Variants in JPH3 observed in about 807,000 individuals in gnomAD.
The protein encoded by JPH3 is junctophilin 3, also known as junctophilin-3.
In JPH3, 11 loss-of-function variants were observed where a neutral mutation model predicts 59.6. That is an observed-to-expected ratio of 0.18 (90% CI 0.12 to 0.31). JPH3 has a LOEUF of 0.31. Ranked by LOEUF, JPH3 falls within the 10% of genes least tolerant of loss-of-function variation. JPH3 has a pLI of 1.00. For synonymous variants in JPH3, 673 were observed against 483.6 expected, an observed-to-expected ratio of 1.39 and a Z score of -5.14; for missense variants, 1,202 against 1,105.7, an observed-to-expected ratio of 1.09 and a Z score of -1.24.
At chr16:87,685,809 A>G (rs1333818957) in intron 3 of JPH3, among the ~76,000 whole-genome samples, 1 of 152,190 alleles carries the variant, frequency 6.6e-6, no homozygotes, top group Non-Finnish European at 1.5e-5. Context: ...CCATGTGTGA[A>G]AGGAAGGGGA....
intron 1 of JPH3, among the ~76,000 whole-genome samples, chr16:87,624,497 G>C (rs764054004): frequency 2.0e-5 from 3 of 152,226 alleles, no homozygotes; most frequent in African/African-American, 7.2e-5. Flanking sequence ...CCACTTCTTC[G>C]TATCGCTGAG....
intron 2 of JPH3, among the ~76,000 whole-genome samples, chr16:87,666,390 A>AT (rs538663195): frequency 0.36 from 51,482 of 141,290 alleles, 9,629 homozygotes; most frequent in East Asian, 0.63. Context: ...CGCCTGGCCT[A>AT]TTTTTTTTTT....
intron 1 of JPH3, among the ~76,000 whole-genome samples, chr16:87,634,134 C>G (rs138787740): frequency 6.6e-6 from 1 of 152,264 alleles, no homozygotes; most frequent in African/African-American, 2.4e-5. Context: ...GGGGGCCACC[C>G]GTGGAGAAAG....
In JPH3 at chr16:87,688,792, G is replaced by C. The variant is rs181106196; in HGVS notation, c.1286-854G>C. 2.0e-5 allele frequency among the ~76,000 whole-genome samples: 3 copies of C among 152,312 alleles called. No homozygotes were observed. In the East Asian group the frequency reaches 5.8e-4, roughly 29 times the overall value. On this transcript the variant is annotated intron_variant, in intron 3 of 4. Transcript: ENST00000284262. ...AACTGTTCCCCGGAGGGTAAGAAGCGCCGCGTTCTTGGGTTTCTCCTAATG... is the reference window on the plus strand; with the variant it reads ...AACTGTTCCCCGGAGGGTAAGAAGCCCCGCGTTCTTGGGTTTCTCCTAATG...
At chr16:87,612,278 C>T (rs1000047395) in intron 1 of JPH3, among the ~76,000 whole-genome samples, 13 of 152,164 alleles carry the variant, frequency 8.5e-5, no homozygotes, top group Non-Finnish European at 1.5e-4. Flanking sequence ...CATGCACCCC[C>T]ATGCCCAGCT....
chr16:87,620,917 T>A (rs971267195), intron 1 of JPH3, among the ~76,000 whole-genome samples: 1 of 152,120 alleles, frequency 6.6e-6, no homozygotes, highest in Non-Finnish European at 1.5e-5. Flanking sequence ...TCCCAGCACT[T>A]TGGGAGGCTG....
At chr16:87,664,841 G>A (rs2032812626) in intron 2 of JPH3, among the ~76,000 whole-genome samples, 1 of 152,134 alleles carries the variant, frequency 6.6e-6, no homozygotes. Flanking sequence ...GCTAGCAGGT[G>A]GCAGAGCAAG....
At position 87,636,036 on chromosome 16, in the gene JPH3, G is replaced by A. The variant is rs911483690; in HGVS notation, c.383-8222G>A. Among the ~76,000 whole-genome samples the A allele has an allele frequency of 1.1e-4, 16 of 152,240 alleles. No individual in the cohort carries two copies. In the East Asian group the frequency reaches 2.3e-3, roughly 22 times the overall value. On this transcript the variant is annotated intron_variant, in intron 1 of 4. Transcript: ENST00000284262. ...GCCGTGCTGACCGAGCCAGACCCTCGCGGCGGCCCACAGAGATGGGCAGCT... is the reference window on the plus strand; with the variant it reads ...GCCGTGCTGACCGAGCCAGACCCTCACGGCGGCCCACAGAGATGGGCAGCT...
At chr16:87,613,156 G>A (rs2030798097) in intron 1 of JPH3, among the ~76,000 whole-genome samples, 1 of 145,754 alleles carries the variant, frequency 6.9e-6, no homozygotes, top group Admixed American at 6.8e-5. Context: ...GAGTGCAGTG[G>A]CGCGATCTCG....
At chr16:87,637,422 T>TTGTGTGTGTGTGTG (rs35239550) in intron 1 of JPH3, among the ~76,000 whole-genome samples, 4 of 147,502 alleles carry the variant, frequency 2.7e-5, no homozygotes, top group African/African-American at 1.0e-4. Context: ...GTGTGTGTGT[T>TTGTGTGTGTGTGTG]TGTGTGTGTG....
chr16:87,677,903 C>G (rs2033191938), intron 2 of JPH3, among the ~76,000 whole-genome samples: 1 of 152,196 alleles, frequency 6.6e-6, no homozygotes, highest in African/African-American at 2.4e-5. Context: ...GACTGTCTTA[C>G]CAAGGAGTGA....
intron 2 of JPH3, among the ~76,000 whole-genome samples, chr16:87,664,820 C>T (rs1029933740): frequency 6.6e-6 from 1 of 152,012 alleles, no homozygotes; most frequent in South Asian, 2.1e-4. Context: ...TGTGACTTGC[C>T]CAGGGTCCCA....
intron 2 of JPH3, among the ~76,000 whole-genome samples, chr16:87,665,969 C>T (rs1295476921): frequency 6.6e-6 from 1 of 152,246 alleles, no homozygotes; most frequent in African/African-American, 2.4e-5. Flanking sequence ...GGCACCTCCT[C>T]ACCAGGTACT....
intron 1 of JPH3, among the ~76,000 whole-genome samples, chr16:87,607,651 G>A (rs190448605): frequency 6.6e-6 from 1 of 152,350 alleles, no homozygotes; most frequent in East Asian, 1.9e-4. Flanking sequence ...TATGCTGTTA[G>A]TGCCCTTTTA....
At chr16:87,645,556 G>A (rs954039052) in intron 2 of JPH3, among the ~76,000 whole-genome samples, 4 of 152,186 alleles carry the variant, frequency 2.6e-5, no homozygotes, top group African/African-American at 9.7e-5. Context: ...CCTGGCAAGG[G>A]GCTCATGCAG....
intron 1 of JPH3, among the ~76,000 whole-genome samples, chr16:87,605,961 A>T (rs2030503184): frequency 6.6e-6 from 1 of 152,198 alleles, no homozygotes; most frequent in South Asian, 2.1e-4. Context: ...GCATGACAGG[A>T]AATAGAATTG....
intron 2 of JPH3, among the ~76,000 whole-genome samples, chr16:87,662,200 C>T (rs140559745): frequency 2.6e-4 from 39 of 152,296 alleles, no homozygotes; most frequent in African/African-American, 7.9e-4. Context: ...GGCTCTGCTG[C>T]TGTTTCTCTG....
chr16:87,692,777 T>A (rs1307925766), intron 4 of JPH3, among the ~76,000 whole-genome samples: 1 of 152,194 alleles, frequency 6.6e-6, no homozygotes, highest in African/African-American at 2.4e-5. Flanking sequence ...GGTCCAGGGT[T>A]GGAGGATGGC....
Position 87,690,493 on chromosome 16 carries a change from CGAG to C in JPH3, c.2137_2139del (p.Glu713del). The C allele has an allele frequency of 6.7e-7, 1 of 1,485,926 alleles. No individual in the cohort carries two copies. The highest frequency in any genetic ancestry group is 8.9e-7 in the Non-Finnish European group (1 of 1,119,298). The allele number at this position is 1,485,926 out of a possible 1,614,324, so 92.0% of individuals were successfully genotyped here. On this transcript the variant is annotated inframe_deletion, in exon 4 of 5. Transcript: ENST00000284262. ...CCTTGCCTGTCGCTCTAGAGTCCGA[CGAG>C]GAGAATGGGGATGAGCTCAAGTCCA...
Sources: allele counts gnomAD v4.1 joint callset (sites outside exome capture counted in the v4.1 genomes callset), GRCh38; gene constraint gnomAD v4.1.1; transcripts MANE v1.5; gene names NCBI Gene and HGNC (gene_info 2026-07-23, HGNC 2026-07-21).